The following MICU3 variants were observed in gnomAD, a reference collection of about 807,000 sequenced individuals.
The protein encoded by MICU3 is calcium uptake protein 3, mitochondrial.
In MICU3, 62 loss-of-function variants were observed where a neutral mutation model predicts 66.5. That is an observed-to-expected ratio of 0.93 (90% CI 0.76 to 1.15). The LOEUF is 1.15. Among genes scored for constraint, MICU3 ranks in the 50% most tolerant of loss-of-function variants. MICU3 has a pLI of 0.00. For synonymous variants in MICU3, 308 were observed against 240.7 expected (o/e 1.28, Z -2.59); for missense variants, 779 against 664.4 (o/e 1.17, Z -1.90).
intron 1 of MICU3, among the ~76,000 whole-genome samples, chr8:17,063,241 A>G (rs182538841): frequency 1.8e-3 from 281 of 152,288 alleles, no homozygotes; most frequent in African/African-American, 6.4e-3. Context: ...AACTACTAGA[A>G]TATTTAGTGA....
chr8:17,104,239 G>A (rs1045156155), intron 9 of MICU3, 152 bp from the exon 10 acceptor site: 3 of 391,766 alleles, frequency 7.7e-6, no homozygotes, highest in South Asian at 1.3e-4. Flanking sequence ...ATAATTGCAT[G>A]TATTAATATG....
chr8:17,072,510 A>G (rs928532972), intron 3 of MICU3, among the ~76,000 whole-genome samples: 14 of 151,952 alleles, frequency 9.2e-5, no homozygotes. Flanking sequence ...GGCAATGTTT[A>G]CTAAACTAAA....
intron 1 of MICU3, among the ~76,000 whole-genome samples, chr8:17,031,279 T>TATG: frequency 6.8e-6 from 1 of 147,456 alleles, no homozygotes. Flanking sequence ...TTATTATTAT[T>TATG]ATTATTATTA....
Position 17,104,380 on chromosome 8 carries a change from T to C in MICU3, c.985-11T>C. On this transcript the variant is annotated splice_polypyrimidine_tract_variant and intron_variant, in intron 9 of 14. Transcript: ENST00000318063. ...TTGAAGCTAACTTTTAAATTGTGATTTTTTTTTAAGCGTGCTGATGACATC... is the reference window on the plus strand; with the variant it reads ...TTGAAGCTAACTTTTAAATTGTGATCTTTTTTTAAGCGTGCTGATGACATC... 7.5e-7 allele frequency: 1 copy of C among 1,337,836 alleles called. No homozygotes were observed. Among genetic ancestry groups the C allele is most frequent in the Non-Finnish European group, 9.8e-7 (1 of 1,016,506 alleles). The allele number at this position is 1,337,836 out of a possible 1,614,324, so 82.9% of individuals were successfully genotyped here. A position where few individuals can be genotyped will look rare whatever the true frequency, so the allele number is the denominator to read the frequency against.
chr8:17,099,941 AT>A (rs1432671772), intron 9 of MICU3, among the ~76,000 whole-genome samples: 2 of 151,828 alleles, frequency 1.3e-5, no homozygotes, highest in African/African-American at 4.8e-5. Flanking sequence ...GTTGAATTTA[AT>A]TTAAATCTTG....
At chr8:17,058,440 G>A (rs1310779661) in intron 1 of MICU3, among the ~76,000 whole-genome samples, 1 of 152,078 alleles carries the variant, frequency 6.6e-6, no homozygotes, top group Non-Finnish European at 1.5e-5. Flanking sequence ...GAACATGAAC[G>A]TGATACAAGA....
downstream of MICU3, among the ~76,000 whole-genome samples, chr8:17,123,316 A>C (rs1803309888): frequency 6.6e-6 from 1 of 152,164 alleles, no homozygotes; most frequent in Non-Finnish European, 1.5e-5. Flanking sequence ...CTATACGCAC[A>C]GAGAAAGTTT....
intron 9 of MICU3, among the ~76,000 whole-genome samples, 168 bp from the exon 10 acceptor site, chr8:17,104,223 T>G (rs1801527470): frequency 6.6e-6 from 1 of 151,952 alleles, no homozygotes; most frequent in South Asian, 2.1e-4. Context: ...GAGCTTTATT[T>G]TAACTATAAT....
intron 3 of MICU3, among the ~76,000 whole-genome samples, chr8:17,072,883 T>C (rs1819814301): frequency 1.3e-5 from 2 of 152,194 alleles, no homozygotes; most frequent in Middle Eastern, 3.4e-3. Flanking sequence ...TAAACTGGTG[T>C]ATTTACTTTT....
chr8:17,067,714 C>A (rs994280263), intron 2 of MICU3, among the ~76,000 whole-genome samples: 2 of 152,140 alleles, frequency 1.3e-5, no homozygotes, highest in African/African-American at 2.4e-5. Flanking sequence ...GGTGCAATTA[C>A]AGGCGTAAGC....
At chr8:17,081,901 A>G in intron 5 of MICU3, 161 bp downstream of exon 5, 3 of 484,904 alleles carry the variant, frequency 6.2e-6, no homozygotes, top group Non-Finnish European at 3.8e-6. Flanking sequence ...TAGCACTGTA[A>G]AGAGTCAAAA....
chr8:17,076,768 G>A (rs952151224), intron 3 of MICU3, among the ~76,000 whole-genome samples: 1 of 152,204 alleles, frequency 6.6e-6, no homozygotes, highest in Non-Finnish European at 1.5e-5. Flanking sequence ...AATGCAGGTT[G>A]TGGTTCAGTA....
chr8:17,068,080 A>T (rs1818993726), intron 2 of MICU3, among the ~76,000 whole-genome samples: 1 of 152,166 alleles, frequency 6.6e-6, no homozygotes, highest in Non-Finnish European at 1.5e-5. Context: ...AATTTTTCAG[A>T]CATACAAAAA....
At chr8:17,058,681 C>T (rs554213349) in intron 1 of MICU3, among the ~76,000 whole-genome samples, 5 of 152,226 alleles carry the variant, frequency 3.3e-5, no homozygotes, top group African/African-American at 9.6e-5. Flanking sequence ...GGCCAGCTGC[C>T]GCCTCTTTCT....
At chr8:17,027,751 G>T in intron 1 of MICU3, 91 bp downstream of exon 1, 2 of 1,236,056 alleles carry the variant, frequency 1.6e-6, no homozygotes, top group East Asian at 3.2e-5. Context: ...GACGGTGCAA[G>T]CGCTGTGGCC....
the MICU3 span, among the ~76,000 whole-genome samples, chr8:17,137,842 G>T: frequency 2.0e-5 from 3 of 150,680 alleles, no homozygotes; most frequent in Non-Finnish European, 3.0e-5. Flanking sequence ...TCAGCCTCCT[G>T]AGTAGCTGGG....
At chr8:17,055,286 G>C (rs1273690411) in intron 1 of MICU3, among the ~76,000 whole-genome samples, 3 of 152,176 alleles carry the variant, frequency 2.0e-5, no homozygotes, top group African/African-American at 4.8e-5. Flanking sequence ...TGATTTAGAA[G>C]TGTTACCTCC....
At chr8:17,039,641 G>C (rs1366429664) in intron 1 of MICU3, among the ~76,000 whole-genome samples, 1 of 152,038 alleles carries the variant, frequency 6.6e-6, no homozygotes, top group Admixed American at 6.6e-5. Flanking sequence ...TTTGGGGCTG[G>C]ACTATTTTAT....
intron 1 of MICU3, among the ~76,000 whole-genome samples, chr8:17,061,474 G>T (rs893195053): frequency 2.0e-5 from 3 of 152,140 alleles, no homozygotes; most frequent in Admixed American, 2.0e-4. Flanking sequence ...AGTTTGGTGA[G>T]AAAACAGGCA....
Sources: allele counts gnomAD v4.1 joint callset (sites outside exome capture counted in the v4.1 genomes callset), GRCh38; gene constraint gnomAD v4.1.1; transcripts MANE v1.5; gene names NCBI Gene and HGNC (gene_info 2026-07-23, HGNC 2026-07-21).